Variants in CEP120 observed in about 807,000 individuals in gnomAD.
The protein encoded by CEP120 is centrosomal protein 120, also known as centrosomal protein of 120 kDa.
A neutral mutation model predicts 126.5 loss-of-function variants in CEP120; 113 were observed. That is an observed-to-expected ratio of 0.89 (90% CI 0.77 to 1.04). CEP120 has a LOEUF of 1.04. Ranked by LOEUF, CEP120 falls within the 50% of genes least tolerant of loss-of-function variation. The pLI is 0.00. For synonymous variants in CEP120, 400 were observed against 394.3 expected (o/e 1.01, Z -0.17); for missense variants, 1,230 against 1,155.7 (o/e 1.06, Z -0.93).
rs1301625257 is a variant in CEP120, at chr5:123,358,041, G to A, written c.2580+6455C>T. ...TCTCTTTTTAGCTATAAATACTACT[G>A]AAACTCTTACAGGTACTAACACATT... On this transcript the variant is annotated intron_variant, in intron 18 of 19. Coordinates refer to ENST00000306467, the MANE Select transcript of CEP120 (RefSeq NM_001375405.1). Among the ~76,000 whole-genome samples the A allele has an allele frequency of 2.0e-5, 3 of 152,090 alleles. No homozygotes were observed. In the East Asian group the frequency reaches 5.8e-4, roughly 29 times the overall value.
intron 18 of CEP120, among the ~76,000 whole-genome samples, chr5:123,355,263 T>C (rs1769505020): frequency 6.6e-6 from 1 of 152,202 alleles, no homozygotes; most frequent in Non-Finnish European, 1.5e-5. Context: ...CATATGTCTT[T>C]ATAGCAGCAT....
intron 6 of CEP120, among the ~76,000 whole-genome samples, chr5:123,393,047 CTG>C (rs1239988725): frequency 6.6e-6 from 1 of 151,994 alleles, no homozygotes; most frequent in African/African-American, 2.4e-5. Context: ...TTGCAAAGGA[CTG>C]ATAACTGATA....
intron 18 of CEP120, among the ~76,000 whole-genome samples, chr5:123,360,458 A>G (rs765362085): frequency 6.6e-6 from 1 of 151,920 alleles, no homozygotes; most frequent in Admixed American, 6.6e-5. Context: ...GATAAGGATT[A>G]AAATTGGTTT....
chr5:123,370,604 A>G (rs2127016500), intron 17 of CEP120, among the ~76,000 whole-genome samples: 1 of 151,592 alleles, frequency 6.6e-6, no homozygotes, highest in Admixed American at 6.6e-5. Context: ...CAGCCTCCTG[A>G]GTAGCTGGGA....
chr5:123,405,492 T>A (rs11951919), intron 4 of CEP120, among the ~76,000 whole-genome samples: 5,019 of 152,184 alleles, frequency 0.033, 100 homozygotes, highest in East Asian at 0.071. Flanking sequence ...CCTGTTGAGG[T>A]TCTATCAGAG....
At chr5:123,359,803 A>ATAAT (rs1769936762) in intron 18 of CEP120, among the ~76,000 whole-genome samples, 3 of 152,036 alleles carry the variant, frequency 2.0e-5, no homozygotes, top group African/African-American at 7.2e-5. Context: ...AGGTTATAAA[A>ATAAT]TAATTAGGTT....
rs993259589 is a variant in CEP120, at chr5:123,422,969, G to A, written c.30C>T (p.Ile10=). The A allele has an allele frequency of 1.9e-6, 3 of 1,614,062 alleles. No homozygotes were observed. Among genetic ancestry groups the A allele is most frequent in the African/African-American group, 2.7e-5 (2 of 74,948 alleles). The change falls in exon 1 of 20, where the codon ATC becomes ATT. Residue 10 remains isoleucine, a synonymous_variant. Transcript: ENST00000306467. The stretch of plus-strand genomic sequence containing the variant: ...GCTCACCTTCTAGGATGGACACGAC[G>A]ATGAGCAATTGGTCGGATTTGGAGA... MVSKSDQLL[I]VVSILEGRHF... is the part of the protein sequence containing the mutation.
chr5:123,413,304 A>G lies in CEP120; in HGVS notation c.322-764T>C, dbSNP rs752703626. Among the ~76,000 whole-genome samples, 76 of 151,966 alleles carry G rather than the reference A, an allele frequency of 5.0e-4. No individual in the cohort carries two copies. In the Middle Eastern group the frequency reaches 0.01, roughly 20 times the overall value. On this transcript the variant is annotated intron_variant, in intron 3 of 19. Coordinates refer to ENST00000306467, the MANE Select transcript of CEP120 (RefSeq NM_001375405.1). ...AAATAATAATAATAATAAATAAATA[A>G]GAAAAAGAAAAAAGAAAATCTTATT...
At chr5:123,356,954 C>T (rs1323658361) in intron 18 of CEP120, among the ~76,000 whole-genome samples, 1 of 119,138 alleles carries the variant, frequency 8.4e-6, no homozygotes, top group Non-Finnish European at 1.9e-5. Flanking sequence ...GCCTGAAGAA[C>T]CCAGGTATTT....
intron 17 of CEP120, among the ~76,000 whole-genome samples, chr5:123,367,810 T>G (rs1292057199): frequency 6.6e-6 from 1 of 151,906 alleles, no homozygotes; most frequent in African/African-American, 2.4e-5. Context: ...CTGAAAAGAA[T>G]ACGTAATGAG....
Position 123,388,498 on chromosome 5 carries a change from C to T in CEP120, c.1364G>A (p.Cys455Tyr). ...TATACTCCTTAAGTCTATTGAAAAG[C>T]AAAAATGATGTGATGTTGCTGGTAC... ...IAVPATSHHFCFSIDLRSIHA... is the reference protein window; with the variant it reads ...IAVPATSHHFYFSIDLRSIHA... Residue 455 changes from cysteine (C) to tyrosine (Y), a missense_variant, in exon 9 of 20, where the codon TGC (cysteine) becomes TAC (tyrosine). Transcript: ENST00000306467. The T allele has an allele frequency of 6.2e-7, 1 of 1,609,142 alleles. No homozygotes were observed. The highest frequency in any genetic ancestry group is 8.5e-7 in the Non-Finnish European group (1 of 1,178,306).
At chr5:123,369,535 C>T (rs1209319856) in intron 17 of CEP120, among the ~76,000 whole-genome samples, 1 of 152,004 alleles carries the variant, frequency 6.6e-6, no homozygotes, top group Non-Finnish European at 1.5e-5. Context: ...TTCCCTCATG[C>T]TCTAGGATGG....
At chr5:123,369,573 G>C (rs776167628) in intron 17 of CEP120, among the ~76,000 whole-genome samples, 1 of 151,832 alleles carries the variant, frequency 6.6e-6, no homozygotes, top group Non-Finnish European at 1.5e-5. Flanking sequence ...AAACAATCCA[G>C]GCTTAACCTC....
rs200450605 is a variant in CEP120 at position 123,389,999 on chromosome 5, G to A, written c.1180C>T (p.Pro394Ser). ...CTTTCTGTTGCATCATCTTTTGTTG[G>A]AGGTGACTGGTTGTGAGATGGAACA... Reference protein sequence around the residue: ...SPVPSHNQSPPTKDDATESEV... With the variant: ...SPVPSHNQSPSTKDDATESEV... Residue 394 changes from proline to serine, a missense_variant, in exon 8 of 20, where the codon CCA (proline) becomes TCA (serine). Physicochemically the swap from Pro to Ser is moderately conservative, Grantham distance 74. Transcript: ENST00000306467. 1,702 of 1,613,930 alleles carry A rather than the reference G, an allele frequency of 1.1e-3. 2 individuals carry two copies. The highest frequency in any genetic ancestry group is 1.4e-3 in the Non-Finnish European group (1,608 of 1,180,026).
rs973011681 is a variant in CEP120, at chr5:123,401,568, C to T, written c.464-2284G>A. On this transcript the variant is annotated intron_variant, in intron 4 of 19. Transcript: ENST00000306467. ...TACTGTGCCTTGACCTCAGCGATGA[C>T]GCTGTTCATGTCCAGGGAGCGGCTG... is the stretch of plus-strand genomic sequence containing the variant. 3.0e-5 allele frequency: 41 copies of T among 1,369,508 alleles called. No homozygotes were observed. In the African/African-American group the frequency reaches 3.1e-4, roughly 10 times the overall value. The allele number at this position is 1,369,508 out of a possible 1,614,324, so 84.8% of individuals were successfully genotyped here. A position where few individuals can be genotyped will look rare whatever the true frequency, so the allele number is the denominator to read the frequency against.
chr5:123,423,184 C>T lies in CEP120; in HGVS notation c.-186G>A, dbSNP rs1032367376. 1 of 607,886 alleles carries T rather than the reference C, an allele frequency of 1.6e-6. No individual in the cohort carries two copies. The highest frequency in any genetic ancestry group is 2.9e-6 in the Non-Finnish European group (1 of 340,530). 37.7% of individuals were successfully genotyped at this position (607,886 alleles called of 1,614,324 possible). A position where few individuals can be genotyped will look rare whatever the true frequency, so the allele number is the denominator to read the frequency against. ...GCGCGCCCGGCTCCTCTGCCTCGGG[C>T]CGCCAGCCCAGATCCTAACTGTGCC... is the stretch of plus-strand genomic sequence containing the variant. On this transcript the variant is annotated 5_prime_UTR_variant, in exon 1 of 20. Transcript: ENST00000306467.
At chr5:123,365,005 T>C (rs979931968) in intron 17 of CEP120, among the ~76,000 whole-genome samples, 1 of 151,636 alleles carries the variant, frequency 6.6e-6, no homozygotes, top group African/African-American at 2.4e-5. Context: ...CCTATCTTCA[T>C]ATGGAATTTT....
chr5:123,423,560 G>A (rs1450615408), upstream of CEP120: 1 of 156,840 alleles, frequency 6.4e-6, no homozygotes, highest in Non-Finnish European at 1.4e-5. Context: ...ACTTGGTGTG[G>A]GACCAGCTGC....
chr5:123,407,899 T>C (rs920943939), intron 4 of CEP120, among the ~76,000 whole-genome samples: 2 of 152,100 alleles, frequency 1.3e-5, no homozygotes, highest in African/African-American at 2.4e-5. Flanking sequence ...GTAACAGAGA[T>C]AGCTGGAAAA....
Sources: gnomAD v4.1 joint callset for allele counts (sites outside exome capture counted in the v4.1 genomes callset) on GRCh38, gnomAD v4.1.1 for gene constraint, MANE v1.5 for transcripts, NCBI Gene and HGNC (gene_info 2026-07-23, HGNC 2026-07-21) for gene names.